The following ZNF318 variants were observed in gnomAD, a reference collection of about 807,000 sequenced individuals.
ZNF318 encodes the protein zinc finger protein 318.
Under a neutral mutation model 124.2 loss-of-function variants are expected in ZNF318, and 51 were observed. The observed-to-expected ratio is 0.41, with a 90% CI of 0.33 to 0.52. The LOEUF (loss-of-function observed/expected upper bound fraction) is 0.52, where lower values mean the gene tolerates loss of function less well. Among genes scored for constraint, ZNF318 ranks in the 20% least tolerant of loss-of-function variants. ZNF318 has a pLI of 0.23. For synonymous variants in ZNF318, 1,090 were observed against 1,040.7 expected, an observed-to-expected ratio of 1.05 and a Z score of -0.91; for missense variants, 2,815 against 2,811.2, an observed-to-expected ratio of 1.00 and a Z score of -0.03.
At chr6:43,368,332 G>T (rs559259279) in intron 1 of ZNF318, among the ~76,000 whole-genome samples, 1 of 152,314 alleles carries the variant, frequency 6.6e-6, no homozygotes, top group African/African-American at 2.4e-5. Context: ...AGTATTAACT[G>T]CCTCACTTCA....
At chr6:43,343,185 G>A (rs1562129636) in intron 6 of ZNF318, among the ~76,000 whole-genome samples, 1 of 152,190 alleles carries the variant, frequency 6.6e-6, no homozygotes, top group Admixed American at 6.5e-5. Flanking sequence ...CTGGGGAAGG[G>A]AAGTGGAGAA....
intron 4 of ZNF318, among the ~76,000 whole-genome samples, chr6:43,352,841 A>T (rs1377138679): frequency 2.6e-5 from 4 of 152,354 alleles, no homozygotes; most frequent in Middle Eastern, 3.4e-3. Flanking sequence ...CTCCTTGCAA[A>T]CCAGGGATAA....
At position 43,339,360 on chromosome 6, in the gene ZNF318, G is replaced by A; in HGVS notation, c.4638C>T (p.Phe1546=). The A allele has an allele frequency of 1.2e-6, 2 of 1,614,108 alleles. No homozygotes were observed. Among genetic ancestry groups the A allele is most frequent in the African/African-American group, 2.7e-5 (2 of 75,016 alleles). ...VRPPPPLSSV[F]SEQAKKLEKR... ...TCTCTAATTTTTTGGCTTGTTCACT[G>A]AACACACTTGAGAGGGGTGGTGGAG... The change falls in exon 10 of 10, where the codon TTC becomes TTT. Residue 1546 remains phenylalanine, a synonymous_variant. Coordinates refer to ENST00000361428, the MANE Select transcript of ZNF318 (RefSeq NM_014345.3). The surrounding 1 kb of genome is among the most constrained non-coding windows in gnomAD (Gnocchi z 4.2).
rs780222171 is a variant in ZNF318 at position 43,339,961 on chromosome 6, G to C, written c.4037C>G (p.Thr1346Ser). The change falls in exon 10 of 10, where the codon ACT becomes AGT. Residue 1346 changes from threonine to serine, a missense_variant. Physicochemically the swap from Thr to Ser is moderately conservative, Grantham distance 58. Transcript: ENST00000361428. The surrounding 1 kb of genome is among the most constrained non-coding windows in gnomAD (Gnocchi z 4.2). ...WMPVVTTSTQ[T>S]KIRPNLPIPS... ...AATAGGCAGGTTGGGTCGGATCTTA[G>C]TCTGTGTGGAAGTTGTCACAACAGG... The C allele has an allele frequency of 1.2e-6, 2 of 1,614,216 alleles. No homozygotes were observed. The highest frequency in any genetic ancestry group is 3.3e-5 in the Admixed American group (2 of 60,034).
chr6:43,340,584 A>C (rs1417621933), intron 9 of ZNF318, 82 bp from the exon 10 acceptor site: 1 of 1,494,230 alleles, frequency 6.7e-7, no homozygotes, highest in Non-Finnish European at 8.9e-7. Flanking sequence ...GTTAGAATTC[A>C]TTTAGTAGAA....
chr6:43,352,334 C>A (rs137985770), intron 5 of ZNF318, 43 bp downstream of exon 5: 10 of 1,377,318 alleles, frequency 7.3e-6, no homozygotes, highest in Non-Finnish European at 9.5e-6. Flanking sequence ...GGGTCTCCTA[C>A]GCAAGTTATT....
Position 43,369,485 on chromosome 6 carries a change from C to A in ZNF318, c.-120G>T. 11 of 818,476 alleles carry A rather than the reference C, an allele frequency of 1.3e-5. No individual in the cohort carries two copies. Among genetic ancestry groups the A allele is most frequent in the Non-Finnish European group, 1.7e-5 (11 of 656,004 alleles). The allele number at this position is 818,476 out of a possible 1,614,324, so 50.7% of individuals were successfully genotyped here. ...CTCGGCCGCTGCGCGCCGCCTCAGCCGCGGGAGCAGCCCCCTCCCCTCGGC... is the reference window on the plus strand; with the variant it reads ...CTCGGCCGCTGCGCGCCGCCTCAGCAGCGGGAGCAGCCCCCTCCCCTCGGC... On this transcript the variant is annotated 5_prime_UTR_variant, in exon 1 of 10. Coordinates refer to ENST00000361428, the MANE Select transcript of ZNF318 (RefSeq NM_014345.3).
In ZNF318 at chr6:43,339,953, G is replaced by C. The variant is rs746170618; in HGVS notation, c.4045C>G (p.Arg1349Gly). Residue 1349 changes from arginine to glycine, a missense_variant, in exon 10 of 10, where the codon CGA becomes GGA. Arg to Gly is a moderately radical substitution (Grantham distance 125). Coordinates refer to ENST00000361428, the MANE Select transcript of ZNF318 (RefSeq NM_014345.3). The surrounding 1 kb of genome is among the most constrained non-coding windows in gnomAD (Gnocchi z 4.2). ...GTGGATGGAATAGGCAGGTTGGGTC[G>C]GATCTTAGTCTGTGTGGAAGTTGTC... Reference protein sequence around the residue: ...VVTTSTQTKIRPNLPIPSTVL... With the variant: ...VVTTSTQTKIGPNLPIPSTVL... 2 of 1,614,166 alleles carry C rather than the reference G, an allele frequency of 1.2e-6. No individual in the cohort carries two copies. Among genetic ancestry groups the C allele is most frequent in the South Asian group, 2.2e-5 (2 of 91,080 alleles).
rs1338580191 is a variant in ZNF318 at position 43,357,287 on chromosome 6, C to G, written c.1027G>C (p.Asp343His). Residue 343 changes from aspartate to histidine, a missense_variant, in exon 3 of 10, where the codon GAT becomes CAT. This residue lies in a region of ZNF318 where 1,377 missense variants were observed against 1,353.5 expected (regional missense o/e 1.02). Coordinates refer to ENST00000361428, the MANE Select transcript of ZNF318 (RefSeq NM_014345.3). Reference sequence around the variant, plus strand: ...ATGGAACAGCCAGTACCACCACCATCAACTCCAACCAGCTCCTGACTCAAG... The same window carrying G: ...ATGGAACAGCCAGTACCACCACCATGAACTCCAACCAGCTCCTGACTCAAG... ...RSLSQELVGVDGGGTGCSIPG... is the reference protein window; with the variant it reads ...RSLSQELVGVHGGGTGCSIPG... The G allele has an allele frequency of 6.2e-7, 1 of 1,614,106 alleles. No individual in the cohort carries two copies. Among genetic ancestry groups the G allele is most frequent in the Non-Finnish European group, 8.5e-7 (1 of 1,180,038 alleles).
Position 43,337,642 on chromosome 6 carries a change from C to G in ZNF318, c.6356G>C (p.Gly2119Ala). 5.0e-6 allele frequency: 8 copies of G among 1,614,086 alleles called. No homozygotes were observed. The highest frequency in any genetic ancestry group is 6.8e-6 in the Non-Finnish European group (8 of 1,180,008). The part of the protein sequence containing the change: ...LTENVDRGLG[G>A]LEGTHQALDL... Reference sequence around the variant, plus strand: ...AAGGGCCTGGTGTGTTCCCTCTAGGCCCCCCAAGCCACGGTCAACATTTTC... The same window carrying G: ...AAGGGCCTGGTGTGTTCCCTCTAGGGCCCCCAAGCCACGGTCAACATTTTC... Residue 2119 changes from glycine (G) to alanine (A), a missense_variant, in exon 10 of 10, where the codon GGC (glycine) becomes GCC (alanine). By Grantham distance (60) the Gly-to-Ala change is moderately conservative. This residue lies in a region of ZNF318 where 927 missense variants were observed against 820.6 expected (regional missense o/e 1.13). Coordinates refer to ENST00000361428, the MANE Select transcript of ZNF318 (RefSeq NM_014345.3).
chr6:43,368,582 G>A (rs1322338744), intron 1 of ZNF318: 4 of 842,450 alleles, frequency 4.7e-6, no homozygotes, highest in South Asian at 5.4e-5. Context: ...CTAAGATCCA[G>A]GAAGGCAGCT....
In ZNF318 at chr6:43,339,720, C is replaced by T. The variant is rs1295308191; in HGVS notation, c.4278G>A (p.Val1426=). The T allele has an allele frequency of 3.1e-6, 5 of 1,614,070 alleles. No homozygotes were observed. Among genetic ancestry groups the T allele is most frequent in the Middle Eastern group, 1.7e-4 (1 of 6,038 alleles). ...GAGATGGCTCACTCTTTTCAGCCAA[C>T]ACCACTTTTTCCTCTGGAGACCCTT... ...ILKGSPEEKV[V]LAEKSEPSHL... The change falls in exon 10 of 10, where the codon GTG becomes GTA. Residue 1426 remains valine (V), a synonymous_variant. Coordinates refer to ENST00000361428, the MANE Select transcript of ZNF318 (RefSeq NM_014345.3). The surrounding 1 kb of genome is among the most constrained non-coding windows in gnomAD (Gnocchi z 4.2).
In ZNF318 at chr6:43,337,696, G is replaced by A. The variant is rs1464993272; in HGVS notation, c.6302C>T (p.Ser2101Phe). 6.2e-7 allele frequency: 1 copy of A among 1,614,146 alleles called. No individual in the cohort carries two copies. Among genetic ancestry groups the A allele is most frequent in the Non-Finnish European group, 8.5e-7 (1 of 1,180,018 alleles). Reference protein sequence around the residue: ...SPNPRSVRIPSPNILKTGLTE... With the variant: ...SPNPRSVRIPFPNILKTGLTE... The stretch of plus-strand genomic sequence containing the variant: ...AAGTCCAGTTTTCAAAATGTTAGGA[G>A]AAGGGATCCTAACACTCCTGGGATT... The change falls in exon 10 of 10, where the codon TCT becomes TTT. Residue 2101 changes from serine to phenylalanine, a missense_variant. Ser to Phe is a radical substitution (Grantham distance 155). Transcript: ENST00000361428.
Position 43,340,094 on chromosome 6 carries a change from C to G in ZNF318, c.3904G>C (p.Glu1302Gln). 5.0e-6 allele frequency: 8 copies of G among 1,614,168 alleles called. No individual in the cohort carries two copies. Among genetic ancestry groups the G allele is most frequent in the Non-Finnish European group, 5.9e-6 (7 of 1,180,010 alleles). ...CCATCCTCTTTGTCCTTACTACTTT[C>G]TAGAATCTCTTCTTTAGAGATACTT... Reference protein sequence around the residue: ...TPSISKEEILESSKDKEDGKT... With the variant: ...TPSISKEEILQSSKDKEDGKT... The change falls in exon 10 of 10, where the codon GAA becomes CAA. Residue 1302 changes from glutamate to glutamine, a missense_variant. Coordinates refer to ENST00000361428, the MANE Select transcript of ZNF318 (RefSeq NM_014345.3).
chr6:43,367,258 A>G (rs146310803), intron 1 of ZNF318, among the ~76,000 whole-genome samples: 9 of 152,318 alleles, frequency 5.9e-5, no homozygotes, highest in African/African-American at 2.2e-4. Flanking sequence ...TATTAACTCT[A>G]TAAGGATAGG....
intron 2 of ZNF318, among the ~76,000 whole-genome samples, chr6:43,358,716 G>T (rs1418834826): frequency 6.6e-6 from 1 of 151,800 alleles, no homozygotes; most frequent in Non-Finnish European, 1.5e-5. Flanking sequence ...CACCATGCTG[G>T]CTGACTTTTT....
intron 1 of ZNF318, chr6:43,368,756 C>T: frequency 1.0e-6 from 1 of 985,484 alleles, no homozygotes; most frequent in Non-Finnish European, 1.2e-6. Flanking sequence ...AGCGCGCACT[C>T]CCGACGAGAC....
At position 43,369,594 on chromosome 6, in the gene ZNF318, C is replaced by A. The variant is rs1000024783; in HGVS notation, c.-229G>T. On this transcript the variant is annotated 5_prime_UTR_variant, in exon 1 of 10. Coordinates refer to ENST00000361428, the MANE Select transcript of ZNF318 (RefSeq NM_014345.3). ...CGAGCACGCGTCCGACACACCCCCCCCCGCCTCCGGGGTTCCCCGCTCCTC... is the reference window on the plus strand; with the variant it reads ...CGAGCACGCGTCCGACACACCCCCCACCGCCTCCGGGGTTCCCCGCTCCTC... 5.1e-5 allele frequency: 8 copies of A among 157,384 alleles called. No homozygotes were observed. The highest frequency in any genetic ancestry group is 2.0e-4 in the South Asian group (1 of 4,936). 9.7% of individuals were successfully genotyped at this position (157,384 alleles called of 1,614,324 possible). A position where few individuals can be genotyped will look rare whatever the true frequency, so the allele number is the denominator to read the frequency against.
Position 43,352,358 on chromosome 6 carries a change from C to T in ZNF318, c.2770+19G>A. On this transcript the variant is annotated intron_variant, in intron 5 of 9. Coordinates refer to ENST00000361428, the MANE Select transcript of ZNF318 (RefSeq NM_014345.3). ...ACGCAAGTTATTACAAAAAGGCAGT[C>T]ATGCAAAGCAGCTGATACCTTGTTG... 6.5e-7 allele frequency: 1 copy of T among 1,542,982 alleles called. No homozygotes were observed. Among genetic ancestry groups the T allele is most frequent in the Non-Finnish European group, 8.7e-7 (1 of 1,147,924 alleles).
Sources: gnomAD v4.1 joint callset for allele counts (sites outside exome capture counted in the v4.1 genomes callset) on GRCh38, gnomAD v4.1.1 for gene constraint, gnomAD v4.1.1 regional missense constraint, Gnocchi (gnomAD v3.1) non-coding constraint, MANE v1.5 for transcripts, NCBI Gene and HGNC (gene_info 2026-07-23, HGNC 2026-07-21) for gene names.